Variants in ERBB4 observed in about 807,000 individuals in gnomAD.
The protein encoded by ERBB4 is receptor tyrosine-protein kinase erbB-4.
Under a neutral mutation model 158.0 loss-of-function variants are expected in ERBB4, and 42 were observed. The ratio of observed to expected loss-of-function variants is 0.27; its 90% CI spans 0.21 to 0.34. ERBB4 has a LOEUF of 0.34. Ranked by LOEUF, ERBB4 falls within the 10% of genes least tolerant of loss-of-function variation. The pLI, the probability that ERBB4 is intolerant of heterozygous loss-of-function variation, is 1.00. For synonymous variants in ERBB4, 583 were observed against 558.7 expected (o/e 1.04, Z -0.61); for missense variants, 1,333 against 1,624.1 (o/e 0.82, Z 3.08).
At chr2:211,446,544 ATGAAGTT>A (rs1474706008) in intron 20 of ERBB4, among the ~76,000 whole-genome samples, 2 of 152,202 alleles carry the variant, frequency 1.3e-5, no homozygotes, top group Non-Finnish European at 2.9e-5. Context: ...GGACATTAGT[ATGAAGTT>A]TGAAGTTAGT....
At position 212,257,159 on chromosome 2, in the gene ERBB4, G is replaced by A. The variant is rs1015387934; in HGVS notation, c.83-132256C>T. On this transcript the variant is annotated intron_variant, in intron 1 of 27. Coordinates refer to ENST00000342788, the MANE Select transcript of ERBB4 (RefSeq NM_005235.3). ...ATAAGTGAGGACATGCAATATTTGAGAACCAGTATTCTAATAACTTAAATC... is the reference window on the plus strand; with the variant it reads ...ATAAGTGAGGACATGCAATATTTGAAAACCAGTATTCTAATAACTTAAATC... 2.6e-4 allele frequency among the ~76,000 whole-genome samples: 40 copies of A among 152,084 alleles called. 1 individual carries two copies. The highest frequency in any genetic ancestry group is 9.2e-4 in the African/African-American group (38 of 41,424).
intron 20 of ERBB4, among the ~76,000 whole-genome samples, chr2:211,499,812 CA>C (rs139918508): frequency 0.029 from 4,402 of 152,120 alleles, 96 homozygotes; most frequent in Non-Finnish European, 0.043. Flanking sequence ...GTTCCCAAAC[CA>C]AGGTGGTGCA....
At chr2:212,410,879 C>T (rs1277152013) in intron 1 of ERBB4, among the ~76,000 whole-genome samples, 1 of 152,002 alleles carries the variant, frequency 6.6e-6, no homozygotes, top group Non-Finnish European at 1.5e-5. Context: ...GATAGTTTCT[C>T]AAAGATTATT....
intron 3 of ERBB4, among the ~76,000 whole-genome samples, chr2:211,812,149 C>T (rs1407478097): frequency 1.3e-5 from 2 of 152,168 alleles, no homozygotes; most frequent in Admixed American, 1.3e-4. Flanking sequence ...CTGGTTTCTC[C>T]CCATCTTTGT....
chr2:212,530,869 G>A (rs1475387318), intron 1 of ERBB4, among the ~76,000 whole-genome samples: 1 of 152,138 alleles, frequency 6.6e-6, no homozygotes, highest in African/African-American at 2.4e-5. Context: ...ATAAAAGAGT[G>A]TTTATTGTAC....
intron 15 of ERBB4, among the ~76,000 whole-genome samples, chr2:211,662,696 T>G (rs1212059246): frequency 6.6e-6 from 1 of 152,222 alleles, no homozygotes; most frequent in East Asian, 1.9e-4. Flanking sequence ...ATAGATGACC[T>G]ATTTTAAAAG....
At chr2:211,708,635 TC>T (rs749057179) in intron 9 of ERBB4, among the ~76,000 whole-genome samples, 23,070 of 151,562 alleles carry the variant, frequency 0.15, 2,032 homozygotes, top group Non-Finnish European at 0.21. Flanking sequence ...TCTCTCTCTC[TC>T]TCTCTCTCAC....
intron 3 of ERBB4, among the ~76,000 whole-genome samples, chr2:211,810,828 G>T (rs6721897): frequency 4.6e-5 from 7 of 151,486 alleles, no homozygotes; most frequent in African/African-American, 1.7e-4. Context: ...GCCCGCCACC[G>T]CGCCCGGCTA....
intron 19 of ERBB4, among the ~76,000 whole-genome samples, chr2:211,564,879 T>C (rs1460077217): frequency 6.6e-6 from 1 of 152,194 alleles, no homozygotes; most frequent in African/African-American, 2.4e-5. Flanking sequence ...GAATGCCTGA[T>C]GAACTTAAAA....
chr2:211,613,145 A>T (rs888434423), intron 19 of ERBB4, among the ~76,000 whole-genome samples: 1 of 152,060 alleles, frequency 6.6e-6, no homozygotes, highest in Non-Finnish European at 1.5e-5. Context: ...GTCTAGTGAG[A>T]TGATCTAGGA....
intron 2 of ERBB4, among the ~76,000 whole-genome samples, chr2:212,013,794 T>C (rs1206115138): frequency 6.6e-6 from 1 of 152,176 alleles, no homozygotes; most frequent in Non-Finnish European, 1.5e-5. Context: ...ATATCTGGGA[T>C]TACAGGCATG....
intron 1 of ERBB4, among the ~76,000 whole-genome samples, chr2:212,510,862 A>C (rs930999860): frequency 2.0e-5 from 3 of 152,116 alleles, no homozygotes; most frequent in African/African-American, 7.2e-5. Context: ...ATAAATAGAA[A>C]ACTAAAGAAA....
At chr2:212,394,892 A>G (rs1006298139) in intron 1 of ERBB4, among the ~76,000 whole-genome samples, 2 of 152,146 alleles carry the variant, frequency 1.3e-5, no homozygotes, top group Non-Finnish European at 2.9e-5. Flanking sequence ...TGACTTTGGG[A>G]TACACTGACC....
At chr2:212,066,129 T>G (rs913282865) in intron 2 of ERBB4, among the ~76,000 whole-genome samples, 2 of 151,880 alleles carry the variant, frequency 1.3e-5, no homozygotes, top group African/African-American at 4.8e-5. Flanking sequence ...ACTCATTCGA[T>G]TAGGCCTCGA....
intron 20 of ERBB4, among the ~76,000 whole-genome samples, chr2:211,551,021 C>T: frequency 6.6e-6 from 1 of 151,988 alleles, no homozygotes; most frequent in South Asian, 2.1e-4. Flanking sequence ...CAGCTCACTG[C>T]AATCTGCGCC....
chr2:211,508,751 A>T (rs1219845024), intron 20 of ERBB4, among the ~76,000 whole-genome samples: 2 of 152,146 alleles, frequency 1.3e-5, no homozygotes, highest in African/African-American at 4.8e-5. Flanking sequence ...ACTTGGAGCC[A>T]ACCCAAACGC....
chr2:211,678,930 G>C (rs1302633551), intron 13 of ERBB4, 122 bp downstream of exon 13: 6 of 896,902 alleles, frequency 6.7e-6, no homozygotes, highest in Non-Finnish European at 8.0e-6. Context: ...TCGTGCCGCT[G>C]CACTCCAGCC....
chr2:211,978,396 G>GTCTGTCTGTCTGTCTA (rs77259627), intron 2 of ERBB4, among the ~76,000 whole-genome samples: 305 of 136,614 alleles, frequency 2.2e-3, no homozygotes, highest in Middle Eastern at 3.7e-3. Context: ...CTGTCTGTCT[G>GTCTGTCTGTCTGTCTA]TCTATCTATC....
chr2:211,642,821 A>G (rs1323201936), intron 16 of ERBB4, among the ~76,000 whole-genome samples: 1 of 151,168 alleles, frequency 6.6e-6, no homozygotes, highest in Admixed American at 6.6e-5. Context: ...AGAGCTCCCT[A>G]TATGTTTTTA....
Sources: gnomAD v4.1 joint callset for allele counts (sites outside exome capture counted in the v4.1 genomes callset) on GRCh38, gnomAD v4.1.1 for gene constraint, MANE v1.5 for transcripts, NCBI Gene and HGNC (gene_info 2026-07-23, HGNC 2026-07-21) for gene names.